ZMAT4: variants seen among roughly 807,000 people sequenced by gnomAD.
ZMAT4 encodes zinc finger matrin-type 4.
Under a neutral mutation model 28.7 loss-of-function variants are expected in ZMAT4, and 17 were observed. The observed-to-expected ratio is 0.59, with a 90% CI of 0.41 to 0.89. The LOEUF is 0.89. Among genes scored for constraint, ZMAT4 ranks in the 40% least tolerant of loss-of-function variants. ZMAT4 has a pLI of 0.00. For synonymous variants in ZMAT4, 117 were observed against 109.2 expected, an observed-to-expected ratio of 1.07 and a Z score of -0.44; for missense variants, 240 against 283.8, an observed-to-expected ratio of 0.85 and a Z score of 1.11.
At position 40,626,366 on chromosome 8, in the gene ZMAT4, T is replaced by G. The variant is rs190396583; in HGVS notation, c.578-45105A>C. 5.1e-3 allele frequency among the ~76,000 whole-genome samples: 774 copies of G among 152,282 alleles called. 3 individuals are homozygous for G. Among genetic ancestry groups the G allele is most frequent in the Non-Finnish European group, 6.7e-3 (454 of 68,032 alleles). On this transcript the variant is annotated intron_variant, in intron 5 of 6. Coordinates refer to ENST00000297737, the MANE Select transcript of ZMAT4 (RefSeq NM_024645.3). ...TTCTAGCTTAGTAAGATGAGGGTTC[T>G]GACAACATAGGAATTCATGGTTCCA...
At position 40,869,708 on chromosome 8, in the gene ZMAT4, C is replaced by T. The variant is rs1817787077; in HGVS notation, c.-5+27975G>A. Among the ~76,000 whole-genome samples the T allele has an allele frequency of 2.0e-5, 3 of 152,152 alleles. No homozygotes were observed. In the South Asian group the frequency reaches 6.2e-4, roughly 32 times the overall value. On this transcript the variant is annotated intron_variant, in intron 1 of 6. Transcript: ENST00000297737. The stretch of plus-strand genomic sequence containing the variant: ...AGTGAATCATGTGCATACAATTCCT[C>T]GAACAATACCCAGTGTTATATCCTC...
At chr8:40,872,890 C>A (rs919558746) in intron 1 of ZMAT4, among the ~76,000 whole-genome samples, 12 of 152,088 alleles carry the variant, frequency 7.9e-5, no homozygotes, top group African/African-American at 2.7e-4. Flanking sequence ...TTCCACACAG[C>A]CCTTAACAAA....
intron 5 of ZMAT4, among the ~76,000 whole-genome samples, chr8:40,597,024 C>G (rs1036649815): frequency 3.9e-5 from 6 of 152,068 alleles, no homozygotes; most frequent in Admixed American, 6.5e-5. Flanking sequence ...AAAGAAAATC[C>G]AGAATGAGTT....
chr8:40,616,883 TA>T (rs11288576), intron 5 of ZMAT4, among the ~76,000 whole-genome samples: 29,036 of 110,012 alleles, frequency 0.26, 4,169 homozygotes, highest in East Asian at 0.6. Flanking sequence ...AATTAAAGTA[TA>T]AAAAAAAAAA....
intron 3 of ZMAT4, among the ~76,000 whole-genome samples, chr8:40,707,236 A>G (rs1471657608): frequency 3.7e-4 from 2 of 5,478 alleles, no homozygotes; most frequent in Non-Finnish European, 7.8e-4. Context: ...CCCCACCCCC[A>G]TCTGACAGCA....
chr8:40,764,123 T>C (rs1813048295), intron 3 of ZMAT4, among the ~76,000 whole-genome samples: 1 of 152,164 alleles, frequency 6.6e-6, no homozygotes, highest in Non-Finnish European at 1.5e-5. Flanking sequence ...AGACTCTCAA[T>C]GGACTGCGTG....
At chr8:40,677,298 T>A (rs1403334707) in intron 4 of ZMAT4, among the ~76,000 whole-genome samples, 1 of 58,754 alleles carries the variant, frequency 1.7e-5, no homozygotes, top group South Asian at 3.8e-4. Flanking sequence ...TTAAAGGATT[T>A]TTTTTTTTTT....
In ZMAT4 at chr8:40,839,119, GAA is replaced by G. The variant is rs574930158; in HGVS notation, c.-4-13441_-4-13440del. Among the ~76,000 whole-genome samples, 88 of 152,232 alleles carry G rather than the reference GAA, an allele frequency of 5.8e-4. 2 individuals carry two copies. In the East Asian group the frequency reaches 9.9e-3, roughly 17 times the overall value. Reference sequence around the variant, plus strand: ...TCCAGAATATTTACTACCTTCCTTTGAAGAATCACCTTGGGCAGGCAGAAACC... The same window carrying G: ...TCCAGAATATTTACTACCTTCCTTTGGAATCACCTTGGGCAGGCAGAAACC... On this transcript the variant is annotated intron_variant, in intron 1 of 6. Coordinates refer to ENST00000297737, the MANE Select transcript of ZMAT4 (RefSeq NM_024645.3).
chr8:40,681,503 C>T (rs917820478), intron 4 of ZMAT4, among the ~76,000 whole-genome samples: 1 of 152,200 alleles, frequency 6.6e-6, no homozygotes, highest in East Asian at 1.9e-4. Context: ...GCTTAAGAGG[C>T]AGCTGTCAGT....
At chr8:40,851,576 G>T (rs56349125) in intron 1 of ZMAT4, among the ~76,000 whole-genome samples, 14,635 of 152,230 alleles carry the variant, frequency 0.096, 802 homozygotes, top group Non-Finnish European at 0.12. Context: ...TTTGAACTAT[G>T]CTTGCAACAT....
At chr8:40,700,339 C>T (rs1262858154) in intron 3 of ZMAT4, among the ~76,000 whole-genome samples, 8 of 148,100 alleles carry the variant, frequency 5.4e-5, no homozygotes, top group South Asian at 2.2e-4. Flanking sequence ...TGAATCACTT[C>T]GTGTCTAATT....
chr8:40,863,198 G>A (rs1035205218), intron 1 of ZMAT4, among the ~76,000 whole-genome samples: 2 of 152,014 alleles, frequency 1.3e-5, no homozygotes, highest in South Asian at 2.1e-4. Context: ...AGGATGGCGC[G>A]GACCTCAGAA....
At chr8:40,689,552 G>A (rs78122850) in intron 4 of ZMAT4, among the ~76,000 whole-genome samples, 2,445 of 152,212 alleles carry the variant, frequency 0.016, 57 homozygotes, top group East Asian at 0.058. Flanking sequence ...TCAAAGAATG[G>A]GAATATAGTT....
At chr8:40,862,583 T>A (rs1050155859) in intron 1 of ZMAT4, among the ~76,000 whole-genome samples, 654 of 53,202 alleles carry the variant, frequency 0.012, no homozygotes, top group East Asian at 0.044. Flanking sequence ...AAAAAAAAAA[T>A]TAAAAAAAAA....
chr8:40,852,108 A>G (rs1190267916), intron 1 of ZMAT4, among the ~76,000 whole-genome samples: 2 of 150,882 alleles, frequency 1.3e-5, no homozygotes, highest in Non-Finnish European at 3.0e-5. Flanking sequence ...CTAGTCTTGA[A>G]CTCCTGACCT....
intron 5 of ZMAT4, among the ~76,000 whole-genome samples, chr8:40,611,454 C>T (rs1236781922): frequency 6.6e-6 from 1 of 152,140 alleles, no homozygotes; most frequent in Admixed American, 6.5e-5. Context: ...CATTCTCCTG[C>T]CTCAGCCTCC....
At chr8:40,565,642 T>C (rs1303373130) in intron 6 of ZMAT4, among the ~76,000 whole-genome samples, 1 of 152,004 alleles carries the variant, frequency 6.6e-6, no homozygotes, top group Non-Finnish European at 1.5e-5. Flanking sequence ...CCTACCAAAG[T>C]GCTGGGATTA....
chr8:40,766,573 T>C (rs1254854461), intron 3 of ZMAT4, among the ~76,000 whole-genome samples: 2 of 152,198 alleles, frequency 1.3e-5, no homozygotes, highest in Admixed American at 6.5e-5. Context: ...TTGCTTCCAA[T>C]AAGCTCTAAA....
chr8:40,700,236 A>G (rs886738547), intron 3 of ZMAT4, among the ~76,000 whole-genome samples: 2 of 146,328 alleles, frequency 1.4e-5, no homozygotes, highest in African/African-American at 5.2e-5. Context: ...CATACTCCTA[A>G]TTGTAAGATT....
Sources: gnomAD v4.1 joint callset for allele counts (sites outside exome capture counted in the v4.1 genomes callset) on GRCh38, gnomAD v4.1.1 for gene constraint, MANE v1.5 for transcripts, NCBI Gene and HGNC (gene_info 2026-07-23, HGNC 2026-07-21) for gene names.